The following U2SURP variants were observed in gnomAD, a reference collection of about 807,000 sequenced individuals.
U2SURP encodes U2 snRNP-associated SURP motif-containing protein.
In U2SURP, 9 loss-of-function variants were observed where a neutral mutation model predicts 144.9. The observed-to-expected ratio is 0.06, with a 90% confidence interval of 0.04 to 0.11. The LOEUF (loss-of-function observed/expected upper bound fraction) is 0.11, where lower values mean the gene tolerates loss of function less well. U2SURP is among the 10% of genes least tolerant of loss of function. U2SURP has a pLI of 1.00. For synonymous variants in U2SURP, 408 were observed against 396.8 expected (o/e 1.03, Z -0.33); for missense variants, 724 against 1,226.7 (o/e 0.59, Z 6.12).
Position 143,034,933 on chromosome 3 carries a change from C to T in U2SURP, c.1899C>T (p.Thr633=), listed in dbSNP as rs1933726984. 1 of 1,594,306 alleles carries T rather than the reference C, an allele frequency of 6.3e-7. No individual in the cohort carries two copies. Among genetic ancestry groups the T allele is most frequent in the Non-Finnish European group, 8.5e-7 (1 of 1,170,542 alleles). ...AGATATTTTCAGACCTCAATGCCAC[C>T]TATCGTACAATTCAAGGCCATTTAC... ...LCQIFSDLNA[T]YRTIQGHLQS... The change falls in exon 19 of 28, where the codon ACC becomes ACT. Residue 633 remains threonine, a synonymous_variant. Coordinates refer to ENST00000473835, the MANE Select transcript of U2SURP (RefSeq NM_001080415.2).
intron 27 of U2SURP, among the ~76,000 whole-genome samples, chr3:143,055,626 T>C (rs1387460531): frequency 6.6e-6 from 1 of 152,154 alleles, no homozygotes; most frequent in Non-Finnish European, 1.5e-5. Context: ...TGGTGATACA[T>C]AGAGGAATTT....
At chr3:143,049,344 TA>T (rs1245535387) in intron 24 of U2SURP, among the ~76,000 whole-genome samples, 2 of 76,218 alleles carry the variant, frequency 2.6e-5, no homozygotes, top group African/African-American at 1.2e-4. Context: ...TAATTTGTAA[TA>T]AAGGGGGGTA....
At chr3:143,021,584 G>T in intron 10 of U2SURP, 29 bp downstream of exon 10, 1 of 1,580,536 alleles carries the variant, frequency 6.3e-7, no homozygotes, top group Non-Finnish European at 8.7e-7. Context: ...AATGTTGATT[G>T]ATATGCTTTA....
rs1935317973 is a variant in U2SURP at position 143,060,215 on chromosome 3, T to C, written c.*3765T>C. On this transcript the variant is annotated 3_prime_UTR_variant, in exon 28 of 28. Coordinates refer to ENST00000473835, the MANE Select transcript of U2SURP (RefSeq NM_001080415.2). The stretch of plus-strand genomic sequence containing the variant: ...AATTGTGCTTGGAGTATTTGTGTTT[T>C]ATTCTTTTACTTCAACGGGTTCTTG... The C allele has an allele frequency of 6.6e-6, 1 of 152,468 alleles. No individual in the cohort carries two copies. Among genetic ancestry groups the C allele is most frequent in the South Asian group, 2.1e-4 (1 of 4,834 alleles). The allele number at this position is 152,468 out of a possible 1,614,324, so 9.4% of individuals were successfully genotyped here. A position where few individuals can be genotyped will look rare whatever the true frequency, so the allele number is the denominator to read the frequency against.
chr3:143,038,683 T>C (rs1933937892), intron 22 of U2SURP, among the ~76,000 whole-genome samples: 1 of 152,018 alleles, frequency 6.6e-6, no homozygotes, highest in Non-Finnish European at 1.5e-5. Flanking sequence ...AAGGATGACA[T>C]TATTCGTCAC....
intron 3 of U2SURP, among the ~76,000 whole-genome samples, chr3:143,012,716 A>G (rs1406228747): frequency 6.6e-6 from 1 of 152,150 alleles, no homozygotes; most frequent in Non-Finnish European, 1.5e-5. Context: ...TCGTGTTCCC[A>G]CTGAGCTTAT....
chr3:143,004,618 C>G (rs953571451), intron 1 of U2SURP, among the ~76,000 whole-genome samples: 1 of 130,470 alleles, frequency 7.7e-6, no homozygotes, highest in East Asian at 2.5e-4. Context: ...GGATTATAGG[C>G]GTGAGCCACC....
intron 3 of U2SURP, among the ~76,000 whole-genome samples, chr3:143,012,581 A>C (rs1936175387): frequency 6.6e-6 from 1 of 152,210 alleles, no homozygotes; most frequent in Admixed American, 6.5e-5. Flanking sequence ...ATTTTATTTG[A>C]AAAACAAAGT....
At chr3:143,055,928 A>ATGATCT (rs1488648360) in intron 27 of U2SURP, among the ~76,000 whole-genome samples, 1 of 152,148 alleles carries the variant, frequency 6.6e-6, no homozygotes, top group Admixed American at 6.5e-5. Flanking sequence ...AATTTTGTGC[A>ATGATCT]TGATCTTAGG....
chr3:143,010,878 C>CT lies in U2SURP; in HGVS notation c.90+22dup, dbSNP rs746323426. 11 of 1,590,584 alleles carry CT rather than the reference C, an allele frequency of 6.9e-6. No individual in the cohort carries two copies. In the South Asian group the frequency reaches 1.3e-4, roughly 18 times the overall value. ...TGCACATGTGAGTATAGAAGGCAAT[C>CT]TTTGTCTTTTTTCCTTTAAAATTTA... On this transcript the variant is annotated intron_variant, in intron 2 of 27. Transcript: ENST00000473835.
At chr3:143,023,156 T>C in intron 12 of U2SURP, 92 bp downstream of exon 12, 1 of 1,161,278 alleles carries the variant, frequency 8.6e-7, no homozygotes, top group Non-Finnish European at 1.2e-6. Context: ...AGAAAATGTG[T>C]GTGTAATTCT....
Position 143,055,040 on chromosome 3 carries a change from G to C in U2SURP, c.2872G>C (p.Glu958Gln). The C allele has an allele frequency of 6.2e-7, 1 of 1,608,252 alleles. No homozygotes were observed. Among genetic ancestry groups the C allele is most frequent in the Non-Finnish European group, 8.5e-7 (1 of 1,177,382 alleles). ...SPKSERSERS[E>Q]RSHKESSRSR... ...AAAATCGGAGCGATCAGAGCGTTCA[G>C]AAAGATCTCATAAAGAGAGCTCACG... Residue 958 changes from glutamate (E) to glutamine (Q), a missense_variant, in exon 27 of 28, where the codon GAA (glutamate) becomes CAA (glutamine). By Grantham distance (29) the Glu-to-Gln change is conservative (BLOSUM62 2). This residue lies in a region of U2SURP where 129 missense variants were observed against 196.1 expected (regional missense o/e 0.66). Transcript: ENST00000473835.
chr3:143,027,430 A>G (rs1466105714), intron 14 of U2SURP, among the ~76,000 whole-genome samples, 177 bp downstream of exon 14: 1 of 152,172 alleles, frequency 6.6e-6, no homozygotes, highest in African/African-American at 2.4e-5. Context: ...CCTGTGTAGC[A>G]GTAACTCCTC....
intron 1 of U2SURP, among the ~76,000 whole-genome samples, chr3:143,006,823 T>C (rs367911829): frequency 1.3e-5 from 2 of 152,326 alleles, no homozygotes; most frequent in African/African-American, 4.8e-5. Context: ...GGTGGTGTTA[T>C]GCTTCCTATA....
At chr3:143,039,961 A>G (rs1934018739) in intron 23 of U2SURP, among the ~76,000 whole-genome samples, 2 of 151,930 alleles carry the variant, frequency 1.3e-5, no homozygotes, top group Admixed American at 1.3e-4. Flanking sequence ...GGAAATACCT[A>G]TCTGAGGCTG....
chr3:143,024,092 T>C, intron 13 of U2SURP, 74 bp downstream of exon 13: 1 of 1,398,826 alleles, frequency 7.1e-7, no homozygotes, highest in Non-Finnish European at 1.0e-6. Context: ...AGAAATGGTG[T>C]TGAGGAAAAG....
chr3:143,051,022 A>T lies in U2SURP; in HGVS notation c.2628A>T (p.Glu876Asp), dbSNP rs761124591. The T allele has an allele frequency of 1.2e-6, 2 of 1,611,964 alleles. No individual in the cohort carries two copies. The highest frequency in any genetic ancestry group is 1.7e-6 in the Non-Finnish European group (2 of 1,178,824). The change falls in exon 25 of 28, where the codon GAA becomes GAT. Residue 876 changes from glutamate (E) to aspartate (D), a missense_variant. By Grantham distance (45) the Glu-to-Asp change is conservative. Around this residue, in one of 13 missense-constraint regions of U2SURP, gnomAD observed 129 missense variants for 196.1 expected, o/e 0.66. Coordinates refer to ENST00000473835, the MANE Select transcript of U2SURP (RefSeq NM_001080415.2). ...GCCAGAGTTTTCAGGAGCAAGTAGAACACTACAGAGATAAACTTCTTCAAC... is the reference window on the plus strand; with the variant it reads ...GCCAGAGTTTTCAGGAGCAAGTAGATCACTACAGAGATAAACTTCTTCAAC... ...KPGQSFQEQV[E>D]HYRDKLLQRE...
chr3:143,021,285 G>GT, intron 8 of U2SURP, 65 bp from the exon 9 acceptor site: 1 of 1,517,350 alleles, frequency 6.6e-7, no homozygotes, highest in Non-Finnish European at 8.9e-7. Context: ...GGAAACAAAG[G>GT]TGAGGGTAAG....
intron 24 of U2SURP, among the ~76,000 whole-genome samples, chr3:143,047,910 G>C (rs1029538559): frequency 1.1e-4 from 17 of 152,232 alleles, no homozygotes; most frequent in African/African-American, 4.1e-4. Context: ...CCCGGACGGG[G>C]TCAGAAGCCA....
Sources: gnomAD v4.1 joint callset for allele counts (sites outside exome capture counted in the v4.1 genomes callset) on GRCh38, gnomAD v4.1.1 for gene constraint, gnomAD v4.1.1 regional missense constraint, MANE v1.5 for transcripts, NCBI Gene and HGNC (gene_info 2026-07-23, HGNC 2026-07-21) for gene names.